The following CNTNAP5 variants were observed in gnomAD, a reference collection of about 807,000 sequenced individuals.
The protein encoded by CNTNAP5 is contactin associated protein family member 5.
CNTNAP5 carries 72 observed loss-of-function variants against 150.2 expected under a neutral mutation model. The ratio of observed to expected loss-of-function variants is 0.48; its 90% CI spans 0.40 to 0.58. The LOEUF (loss-of-function observed/expected upper bound fraction) is 0.58, where lower values mean the gene tolerates loss of function less well. Ranked by LOEUF, CNTNAP5 falls within the 20% of genes least tolerant of loss-of-function variation. The probability of loss-of-function intolerance (pLI) is 0.00; values close to 1 mark genes in which losing one functional copy is unlikely to be tolerated. For missense variants in CNTNAP5, 1,636 were observed against 1,626.2 expected (o/e 1.01, Z -0.10); for synonymous variants, 672 against 619.8 (o/e 1.08, Z -1.25).
intron 21 of CNTNAP5, among the ~76,000 whole-genome samples, chr2:124,901,662 T>G (rs2104758424): frequency 6.6e-6 from 1 of 152,320 alleles, no homozygotes; most frequent in African/African-American, 2.4e-5. Context: ...GATAGCACAC[T>G]TGTGTTTTAA....
Position 124,139,674 on chromosome 2 carries a change from A to G in CNTNAP5, c.83-82031A>G, listed in dbSNP as rs1038788844. Among the ~76,000 whole-genome samples the G allele has an allele frequency of 3.3e-5, 5 of 152,216 alleles. No individual in the cohort carries two copies. The East Asian group carries it at 9.6e-4, about 29-fold the overall frequency. On this transcript the variant is annotated intron_variant, in intron 1 of 23. Transcript: ENST00000682447. ...TATATCCTTCCTTCGGTCTCTCATT[A>G]GTGCACACTGTTGCTGAATACAGAT...
At chr2:124,817,286 G>A (rs7580372) in intron 19 of CNTNAP5, among the ~76,000 whole-genome samples, 4,132 of 152,172 alleles carry the variant, frequency 0.027, 176 homozygotes, top group African/African-American at 0.094. Flanking sequence ...GGATTTATAC[G>A]GTGATAGAAT....
chr2:124,120,888 G>C (rs537236148), intron 1 of CNTNAP5, among the ~76,000 whole-genome samples: 1 of 152,136 alleles, frequency 6.6e-6, no homozygotes, highest in African/African-American at 2.4e-5. Context: ...TTCAAAAGAT[G>C]CTCTTCTTTT....
intron 9 of CNTNAP5, among the ~76,000 whole-genome samples, chr2:124,525,765 A>G (rs75771901): frequency 0.019 from 2,910 of 152,260 alleles, 106 homozygotes; most frequent in African/African-American, 0.067. Context: ...AAAAGTTTTT[A>G]TGACTTAACC....
intron 1 of CNTNAP5, among the ~76,000 whole-genome samples, chr2:124,196,259 T>A (rs1480771108): frequency 6.6e-6 from 1 of 152,100 alleles, no homozygotes; most frequent in Admixed American, 6.6e-5. Flanking sequence ...ACTACAGTGG[T>A]TAAAAGCAAG....
intron 1 of CNTNAP5, among the ~76,000 whole-genome samples, chr2:124,103,264 G>T (rs2104698601): frequency 6.6e-6 from 1 of 152,228 alleles, no homozygotes; most frequent in East Asian, 1.9e-4. Context: ...ATCAAAAAGT[G>T]AAATAAAATT....
chr2:124,490,568 C>A (rs568936691), intron 7 of CNTNAP5, among the ~76,000 whole-genome samples: 25 of 151,962 alleles, frequency 1.6e-4, no homozygotes, highest in African/African-American at 6.0e-4. Flanking sequence ...CAATTTCTAC[C>A]TTAGTGTCAA....
chr2:124,113,301 G>GT (rs1683342807), intron 1 of CNTNAP5, among the ~76,000 whole-genome samples: 2 of 151,980 alleles, frequency 1.3e-5, no homozygotes, highest in Admixed American at 1.3e-4. Context: ...TTCCTTTAAA[G>GT]TTTTTTGTAC....
rs1692045186 is a variant in CNTNAP5 at position 124,419,930 on chromosome 2, T to TTC, written c.529+2342_529+2343dup. On this transcript the variant is annotated intron_variant, in intron 4 of 23. Transcript: ENST00000682447. ...TTTCTTTCTTTCTTTCTTTCTTTCT[T>TTC]TCTTTCTTTCTTTCTTTCTTTCTTT... is the stretch of plus-strand genomic sequence containing the variant. Among the ~76,000 whole-genome samples the TTC allele has an allele frequency of 3.8e-5, 5 of 130,386 alleles. No individual in the cohort carries two copies. The East Asian group carries it at 9.0e-4, about 23-fold the overall frequency. The allele number at this position is 130,386 out of a possible 152,430, so 85.5% of individuals were successfully genotyped here.
intron 17 of CNTNAP5, among the ~76,000 whole-genome samples, chr2:124,784,054 C>T (rs1558774044): frequency 6.6e-6 from 1 of 152,084 alleles, no homozygotes; most frequent in Non-Finnish European, 1.5e-5. Context: ...CCACTTTAGT[C>T]AAAAAGTCTG....
intron 1 of CNTNAP5, among the ~76,000 whole-genome samples, chr2:124,055,709 A>C (rs939091832): frequency 5.9e-5 from 9 of 151,968 alleles, no homozygotes; most frequent in African/African-American, 2.2e-4. Flanking sequence ...ACCACCTACA[A>C]TCCAATATCC....
chr2:124,316,246 G>A (rs1688956930), intron 3 of CNTNAP5, among the ~76,000 whole-genome samples: 1 of 152,154 alleles, frequency 6.6e-6, no homozygotes, highest in Admixed American at 6.5e-5. Context: ...GCCCTGGAGT[G>A]GGTTAGTAAC....
intron 19 of CNTNAP5, among the ~76,000 whole-genome samples, chr2:124,831,005 A>T (rs1258835552): frequency 6.6e-6 from 1 of 152,102 alleles, no homozygotes; most frequent in African/African-American, 2.4e-5. Context: ...CAATTGCAGT[A>T]AGAGCAAATC....
At chr2:124,553,083 T>C (rs915975875) in intron 10 of CNTNAP5, among the ~76,000 whole-genome samples, 6 of 152,226 alleles carry the variant, frequency 3.9e-5, no homozygotes, top group African/African-American at 1.2e-4. Context: ...AGCAGATATA[T>C]AAGTTAAGTT....
intron 8 of CNTNAP5, among the ~76,000 whole-genome samples, chr2:124,510,516 T>TATATATATAC (rs1553474741): frequency 3.2e-4 from 40 of 123,148 alleles, no homozygotes; most frequent in African/African-American, 1.2e-3. Flanking sequence ...TATATATATA[T>TATATATATAC]ATACATATAT....
intron 1 of CNTNAP5, among the ~76,000 whole-genome samples, chr2:124,173,756 T>C (rs1300998955): frequency 1.3e-5 from 2 of 152,218 alleles, no homozygotes; most frequent in Non-Finnish European, 2.9e-5. Flanking sequence ...CCAGAAGATC[T>C]AGATGACATC....
chr2:124,560,412 G>A (rs907926813), intron 10 of CNTNAP5, among the ~76,000 whole-genome samples: 1 of 151,624 alleles, frequency 6.6e-6, no homozygotes, highest in Non-Finnish European at 1.5e-5. Flanking sequence ...CCAGCTACTC[G>A]GGAGGCTGAG....
intron 3 of CNTNAP5, among the ~76,000 whole-genome samples, chr2:124,280,035 G>A (rs148424067): frequency 6.6e-6 from 1 of 151,856 alleles, no homozygotes. Context: ...TAGAAATTTA[G>A]TGTTCTCTCA....
chr2:124,828,595 T>G (rs545940011), intron 19 of CNTNAP5, among the ~76,000 whole-genome samples: 1 of 152,096 alleles, frequency 6.6e-6, no homozygotes, highest in East Asian at 1.9e-4. Flanking sequence ...TTCCCTTCTC[T>G]TCTTAGTCCT....
Sources: allele counts gnomAD v4.1 joint callset (sites outside exome capture counted in the v4.1 genomes callset), GRCh38; gene constraint gnomAD v4.1.1; transcripts MANE v1.5; gene names NCBI Gene and HGNC (gene_info 2026-07-23, HGNC 2026-07-21).